MSRB3: variants seen among roughly 807,000 people sequenced by gnomAD.
MSRB3 encodes methionine sulfoxide reductase B3, also known as methionine-R-sulfoxide reductase B3.
Under a neutral mutation model 21.0 loss-of-function variants are expected in MSRB3, and 13 were observed. The observed-to-expected ratio is 0.62, with a 90% CI of 0.40 to 0.98. The LOEUF is 0.98. MSRB3 is among the 50% of genes least tolerant of loss of function. The pLI is 0.00. For synonymous variants in MSRB3, 87 were observed against 88.6 expected (o/e 0.98, Z 0.10); for missense variants, 199 against 230.3 (o/e 0.86, Z 0.88).
At chr12:65,444,589 T>C (rs1184649467) in intron 5 of MSRB3, among the ~76,000 whole-genome samples, 1 of 152,100 alleles carries the variant, frequency 6.6e-6, no homozygotes, top group Non-Finnish European at 1.5e-5. Flanking sequence ...ATTCCAAATA[T>C]CTTAAAATAA....
chr12:65,353,544 C>T (rs928454638), intron 4 of MSRB3, among the ~76,000 whole-genome samples: 2 of 152,108 alleles, frequency 1.3e-5, no homozygotes, highest in Admixed American at 6.6e-5. Flanking sequence ...ACTAGGATTG[C>T]AACCCCTGCC....
At chr12:65,412,099 TTTTTA>T (rs1262386403) in intron 5 of MSRB3, among the ~76,000 whole-genome samples, 1 of 152,172 alleles carries the variant, frequency 6.6e-6, no homozygotes, top group African/African-American at 2.4e-5. Flanking sequence ...TTTCAAGCCC[TTTTTA>T]TTTTAACTTT....
At chr12:65,374,578 T>C (rs1878495366) in intron 5 of MSRB3, among the ~76,000 whole-genome samples, 1 of 152,242 alleles carries the variant, frequency 6.6e-6, no homozygotes, top group South Asian at 2.1e-4. Flanking sequence ...AATTCACCTT[T>C]CTTTACTGTA....
rs540842515 is a variant in MSRB3, at chr12:65,373,857, G to A, written c.292+4831G>A. ...CAAGGAACAAAAAGCAGCTAGTGTCGCTTTTAGGATCTGTAGTTAAAAAGG... is the reference window on the plus strand; with the variant it reads ...CAAGGAACAAAAAGCAGCTAGTGTCACTTTTAGGATCTGTAGTTAAAAAGG... On this transcript the variant is annotated intron_variant, in intron 5 of 6. Transcript: ENST00000308259. Among the ~76,000 whole-genome samples, 10 of 151,014 alleles carry A rather than the reference G, an allele frequency of 6.6e-5. 1 individual carries two copies. The highest frequency in any genetic ancestry group is 4.2e-4 in the South Asian group (2 of 4,736).
At chr12:65,351,280 A>T (rs992203988) in intron 4 of MSRB3, among the ~76,000 whole-genome samples, 1 of 150,136 alleles carries the variant, frequency 6.7e-6, no homozygotes, top group African/African-American at 2.5e-5. Flanking sequence ...CAAAGACACA[A>T]CATACCAGAA....
At chr12:65,373,871 T>C (rs1358996498) in intron 5 of MSRB3, among the ~76,000 whole-genome samples, 1 of 149,934 alleles carries the variant, frequency 6.7e-6, no homozygotes, top group Non-Finnish European at 1.5e-5. Context: ...TTAGGATCTG[T>C]AGTTAAAAAG....
intron 4 of MSRB3, among the ~76,000 whole-genome samples, chr12:65,346,886 A>G (rs961086766): frequency 3.3e-5 from 5 of 152,174 alleles, no homozygotes; most frequent in African/African-American, 1.2e-4. Flanking sequence ...GTCAAAGATC[A>G]GATAGCTGTA....
At chr12:65,454,691 T>C (rs1277577876) in intron 6 of MSRB3, among the ~76,000 whole-genome samples, 1 of 152,200 alleles carries the variant, frequency 6.6e-6, no homozygotes, top group Non-Finnish European at 1.5e-5. Context: ...TCTCCTGATA[T>C]ACAGACATCC....
intron 1 of MSRB3, among the ~76,000 whole-genome samples, chr12:65,297,074 A>G (rs1463779942): frequency 1.3e-5 from 2 of 152,236 alleles, no homozygotes; most frequent in Non-Finnish European, 2.9e-5. Context: ...TTGCAGGGAC[A>G]TGGATGGAGC....
intron 5 of MSRB3, among the ~76,000 whole-genome samples, chr12:65,430,633 T>A (rs1881830099): frequency 6.6e-6 from 1 of 152,164 alleles, no homozygotes; most frequent in African/African-American, 2.4e-5. Flanking sequence ...TTTTGTTGTT[T>A]GTTAATTTCC....
intron 3 of MSRB3, among the ~76,000 whole-genome samples, chr12:65,327,979 A>C (rs1431065766): frequency 6.6e-6 from 1 of 152,196 alleles, no homozygotes; most frequent in African/African-American, 2.4e-5. Flanking sequence ...AGAGGGTGAA[A>C]GGATAATAAA....
intron 4 of MSRB3, among the ~76,000 whole-genome samples, chr12:65,353,064 G>A (rs570163233): frequency 6.6e-6 from 1 of 152,246 alleles, no homozygotes; most frequent in Non-Finnish European, 1.5e-5. Flanking sequence ...CTGAGTTCTA[G>A]TTTGATCGCA....
intron 5 of MSRB3, among the ~76,000 whole-genome samples, chr12:65,432,471 T>C (rs1881925369): frequency 6.6e-6 from 1 of 151,946 alleles, no homozygotes; most frequent in African/African-American, 2.4e-5. Context: ...ATATATATGT[T>C]AACACAAGCT....
intron 2 of MSRB3, among the ~76,000 whole-genome samples, chr12:65,326,278 A>G (rs1277700463): frequency 1.3e-5 from 2 of 152,174 alleles, no homozygotes; most frequent in East Asian, 1.9e-4. Flanking sequence ...GAAGTTTCTG[A>G]TGGAATCATG....
At chr12:65,383,849 G>T (rs1879072717) in intron 5 of MSRB3, among the ~76,000 whole-genome samples, 1 of 152,020 alleles carries the variant, frequency 6.6e-6, no homozygotes, top group African/African-American at 2.4e-5. Context: ...TGTAGAGATG[G>T]GGTTTCGCCA....
intron 5 of MSRB3, among the ~76,000 whole-genome samples, chr12:65,413,262 C>T (rs1446175858): frequency 6.6e-6 from 1 of 152,162 alleles, no homozygotes; most frequent in African/African-American, 2.4e-5. Context: ...TGGCATATAT[C>T]TCTTATGTGG....
chr12:65,442,878 A>G (rs564358309), intron 5 of MSRB3, among the ~76,000 whole-genome samples: 2 of 152,240 alleles, frequency 1.3e-5, no homozygotes, highest in South Asian at 4.1e-4. Context: ...ATGTATTTTT[A>G]AAAACATTAA....
chr12:65,291,687 T>C (rs2136395879), intron 1 of MSRB3, among the ~76,000 whole-genome samples: 1 of 152,288 alleles, frequency 6.6e-6, no homozygotes, highest in African/African-American at 2.4e-5. Context: ...CTCAGGGTCT[T>C]TCGTTCTCAG....
intron 5 of MSRB3, among the ~76,000 whole-genome samples, chr12:65,448,826 G>A (rs1306902654): frequency 6.6e-6 from 1 of 152,124 alleles, no homozygotes; most frequent in Non-Finnish European, 1.5e-5. Flanking sequence ...ATTTATCATG[G>A]TTTCCTGTGG....
Sources: allele counts gnomAD v4.1 joint callset (sites outside exome capture counted in the v4.1 genomes callset), GRCh38; gene constraint gnomAD v4.1.1; transcripts MANE v1.5; gene names NCBI Gene and HGNC (gene_info 2026-07-23, HGNC 2026-07-21).